Variants in ABCB7 observed in about 807,000 individuals in gnomAD.
ABCB7 encodes the protein iron-sulfur clusters transporter ABCB7, mitochondrial.
Under a neutral mutation model 54.4 loss-of-function variants are expected in ABCB7, and 7 were observed. That is an observed-to-expected ratio of 0.13 (90% CI 0.07 to 0.24). ABCB7 has a LOEUF of 0.24. Among genes scored for constraint, ABCB7 ranks in the 10% least tolerant of loss-of-function variants. ABCB7 has a pLI of 1.00. For missense variants in ABCB7, 356 were observed against 570.4 expected, an observed-to-expected ratio of 0.62 and a Z score of 3.83; for synonymous variants, 218 against 207.1, an observed-to-expected ratio of 1.05 and a Z score of -0.45.
intron 1 of ABCB7, among the ~76,000 whole-genome samples, chrX:75,139,380 C>T (rs973173011): frequency 1.8e-5 from 2 of 111,939 alleles, no homozygotes; most frequent in Admixed American, 1.9e-4. Flanking sequence ...CATGAGTTAT[C>T]TTGCCTAGAA....
chrX:75,115,138 TGC>T (rs2081799141), intron 1 of ABCB7, among the ~76,000 whole-genome samples: 1 of 106,816 alleles, frequency 9.4e-6, no homozygotes, highest in African/African-American at 3.4e-5. Flanking sequence ...CGTGGTGGCG[TGC>T]GCCTGTAGTC....
intron 12 of ABCB7, among the ~76,000 whole-genome samples, chrX:75,068,754 T>A (rs1454211998): frequency 1.8e-5 from 2 of 111,934 alleles, no homozygotes; most frequent in African/African-American, 6.5e-5. Flanking sequence ...AGAGATGGGG[T>A]TAGAATCCAG....
chrX:75,067,922 T>C (rs1343564855), intron 12 of ABCB7, among the ~76,000 whole-genome samples: 2 of 111,930 alleles, frequency 1.8e-5, no homozygotes, highest in Non-Finnish European at 3.8e-5. Context: ...AGAACTGGAA[T>C]TATTAAATTA....
chrX:75,096,290 C>T (rs1490561481), intron 4 of ABCB7, among the ~76,000 whole-genome samples: 1 of 112,044 alleles, frequency 8.9e-6, no homozygotes, highest in Admixed American at 9.5e-5. Context: ...GCTTTCTTGA[C>T]CTGTTGCACA....
chrX:75,135,481 G>A (rs12390639), intron 1 of ABCB7, among the ~76,000 whole-genome samples: 5,134 of 110,950 alleles, frequency 0.046, 314 homozygotes, highest in African/African-American at 0.16. Context: ...TATGAGGCCA[G>A]CACCAATCTG....
intron 4 of ABCB7, among the ~76,000 whole-genome samples, chrX:75,095,519 C>T (rs1389683241): frequency 8.9e-6 from 1 of 112,815 alleles, no homozygotes; most frequent in Non-Finnish European, 1.9e-5. Flanking sequence ...GGACACTCCG[C>T]AAAGCTGTGC....
chrX:75,104,047 G>GTTTTTTTTTTTTTTT lies in ABCB7; in HGVS notation c.334-5001_334-4987dup, dbSNP rs757074347. ...AAATGGGCATCCCTGTCTTGTTACA[G>GTTTTTTTTTTTTTTT]TTTTTTTTTTTTTTTTTTTTTTTTT... On this transcript the variant is annotated intron_variant, in intron 3 of 15. Transcript: ENST00000373394. 1.6e-3 allele frequency among the ~76,000 whole-genome samples: 22 copies of GTTTTTTTTTTTTTTT among 13,444 alleles called. 6 individuals carry two copies. The highest frequency in any genetic ancestry group is 0.014 in the East Asian group (2 of 139). 11.7% of individuals were successfully genotyped at this position (13,444 alleles called of 115,157 possible).
intron 12 of ABCB7, among the ~76,000 whole-genome samples, chrX:75,066,849 A>C (rs1249613582): frequency 2.7e-5 from 3 of 111,129 alleles, no homozygotes; most frequent in African/African-American, 9.8e-5. Flanking sequence ...CATATTTTTC[A>C]TGACAATATT....
intron 1 of ABCB7, among the ~76,000 whole-genome samples, chrX:75,131,901 T>C (rs753577355): frequency 9.0e-6 from 1 of 111,174 alleles, no homozygotes; most frequent in Non-Finnish European, 1.9e-5. Context: ...ACAGCTACAG[T>C]AGTACCACCC....
At chrX:75,147,890 C>A (rs899207187) in intron 1 of ABCB7, among the ~76,000 whole-genome samples, 3 of 111,854 alleles carry the variant, frequency 2.7e-5, no homozygotes, top group Non-Finnish European at 5.6e-5. Context: ...CCGAGGTGGG[C>A]GGATCACCTG....
chrX:75,146,676 G>A (rs1393803528), intron 1 of ABCB7, among the ~76,000 whole-genome samples: 2 of 111,681 alleles, frequency 1.8e-5, no homozygotes, highest in African/African-American at 6.5e-5. Context: ...ACTCAAGATG[G>A]ATTAAAGACT....
chrX:75,132,518 C>G (rs768813873), intron 1 of ABCB7, among the ~76,000 whole-genome samples: 5 of 112,692 alleles, frequency 4.4e-5, no homozygotes, highest in Non-Finnish European at 9.4e-5. Flanking sequence ...AGCCTGAGCT[C>G]ACCCCAGACT....
At chrX:75,118,192 G>A (rs887691551) in intron 1 of ABCB7, among the ~76,000 whole-genome samples, 12 of 111,606 alleles carry the variant, frequency 1.1e-4, no homozygotes, top group African/African-American at 3.9e-4. Context: ...ACGTGGCAGT[G>A]CTTTCTTTTG....
chrX:75,117,318 A>C (rs1249919996), intron 1 of ABCB7, among the ~76,000 whole-genome samples: 1 of 110,219 alleles, frequency 9.1e-6, no homozygotes, highest in Non-Finnish European at 1.9e-5. Flanking sequence ...CACCGAAGGG[A>C]CTATACTAAA....
At chrX:75,104,433 G>A (rs1292896285) in intron 3 of ABCB7, among the ~76,000 whole-genome samples, 1 of 109,239 alleles carries the variant, frequency 9.2e-6, no homozygotes, top group African/African-American at 3.3e-5. Flanking sequence ...ATACAAACTA[G>A]AAAACCTAGA....
intron 4 of ABCB7, among the ~76,000 whole-genome samples, chrX:75,094,602 A>C (rs2081575391): frequency 9.0e-6 from 1 of 110,850 alleles, no homozygotes; most frequent in South Asian, 3.9e-4. Context: ...AATCCCAGCT[A>C]CTCAGGAGGC....
chrX:75,094,019 CATATATATATATATAT>C (rs199523853), intron 4 of ABCB7, among the ~76,000 whole-genome samples: 1 of 46,029 alleles, frequency 2.2e-5, no homozygotes, highest in Non-Finnish European at 3.6e-5. Context: ...CTGTTATATA[CATATATATATATATAT>C]ATATATATAT....
At chrX:75,107,545 G>GT (rs1433516510) in intron 3 of ABCB7, among the ~76,000 whole-genome samples, 26 of 111,652 alleles carry the variant, frequency 2.3e-4, no homozygotes, top group Non-Finnish European at 4.7e-4. Flanking sequence ...TGTCAGAGTC[G>GT]TGAGGGCCCT....
intron 10 of ABCB7, among the ~76,000 whole-genome samples, 155 bp from the exon 11 acceptor site, chrX:75,069,609 T>C (rs765297174): frequency 1.7e-4 from 19 of 111,570 alleles, no homozygotes; most frequent in Admixed American, 1.4e-3. Context: ...ATTTAAAGAT[T>C]TGTTTTCTCA....
Sources: gnomAD v4.1 joint callset for allele counts (sites outside exome capture counted in the v4.1 genomes callset) on GRCh38, gnomAD v4.1.1 for gene constraint, MANE v1.5 for transcripts, NCBI Gene and HGNC (gene_info 2026-07-23, HGNC 2026-07-21) for gene names.